Variants in KCNQ5 observed in about 807,000 individuals in gnomAD.
The protein encoded by KCNQ5 is potassium voltage-gated channel subfamily Q member 5.
KCNQ5 carries 30 observed loss-of-function variants against 98.2 expected under a neutral mutation model. The observed-to-expected ratio is 0.31, with a 90% CI of 0.23 to 0.41. The LOEUF is 0.41. Among genes scored for constraint, KCNQ5 ranks in the 10% least tolerant of loss-of-function variants. The pLI is 1.00. For synonymous variants in KCNQ5, 458 were observed against 449.4 expected, an observed-to-expected ratio of 1.02 and a Z score of -0.24; for missense variants, 835 against 1,182.5, an observed-to-expected ratio of 0.71 and a Z score of 4.31.
At chr6:73,038,192 A>G (rs574261576) in intron 2 of KCNQ5, among the ~76,000 whole-genome samples, 1 of 151,962 alleles carries the variant, frequency 6.6e-6, no homozygotes, top group African/African-American at 2.4e-5. Context: ...TGTTAGTATA[A>G]AGAAATATGA....
chr6:72,721,023 C>G (rs1240682245), intron 1 of KCNQ5, among the ~76,000 whole-genome samples: 2 of 152,122 alleles, frequency 1.3e-5, no homozygotes, highest in African/African-American at 2.4e-5. Context: ...GCCAGACAGA[C>G]AATAACCAAA....
At chr6:73,145,179 T>C (rs1214266856) in intron 10 of KCNQ5, among the ~76,000 whole-genome samples, 1 of 152,226 alleles carries the variant, frequency 6.6e-6, no homozygotes, top group Non-Finnish European at 1.5e-5. Flanking sequence ...GAAAATAGCA[T>C]TGTTAGCACC....
chr6:72,758,167 C>A (rs1043279666), intron 1 of KCNQ5, among the ~76,000 whole-genome samples: 3 of 151,894 alleles, frequency 2.0e-5, no homozygotes, highest in Non-Finnish European at 2.9e-5. Context: ...AAGAAAGAAT[C>A]CCTTCTTCTC....
intron 5 of KCNQ5, among the ~76,000 whole-genome samples, chr6:73,079,767 C>T (rs7774477): frequency 0.99 from 151,225 of 152,320 alleles, 75,078 homozygotes; most frequent in Middle Eastern, 1. Flanking sequence ...TCATCTGACA[C>T]TCTTAAAATA....
intron 1 of KCNQ5, among the ~76,000 whole-genome samples, chr6:72,937,546 A>G (rs4304128): frequency 0.043 from 6,600 of 152,284 alleles, 221 homozygotes; most frequent in Middle Eastern, 0.13. Context: ...CTTTTCTTCT[A>G]TAAGCCTTTT....
At chr6:73,118,110 T>C (rs1468196842) in intron 7 of KCNQ5, among the ~76,000 whole-genome samples, 1 of 152,180 alleles carries the variant, frequency 6.6e-6, no homozygotes. Flanking sequence ...AGAGCACATA[T>C]CTTAGGAGAA....
intron 1 of KCNQ5, among the ~76,000 whole-genome samples, chr6:72,974,999 A>C (rs1012879046): frequency 2.0e-5 from 3 of 152,112 alleles, no homozygotes; most frequent in Non-Finnish European, 4.4e-5. Context: ...GGCCTCCCAA[A>C]GTGCTAGGAT....
At chr6:72,629,025 T>A (rs964532481) in intron 1 of KCNQ5, among the ~76,000 whole-genome samples, 1 of 152,122 alleles carries the variant, frequency 6.6e-6, no homozygotes, top group Non-Finnish European at 1.5e-5. Context: ...AGGCAGGGGT[T>A]TCTGTCTTAT....
intron 1 of KCNQ5, among the ~76,000 whole-genome samples, chr6:72,908,190 G>T (rs930288075): frequency 6.6e-6 from 1 of 151,998 alleles, no homozygotes; most frequent in Non-Finnish European, 1.5e-5. Flanking sequence ...ATGAAAGAGT[G>T]GTTACCATAG....
At chr6:72,656,777 C>T (rs2154472682) in intron 1 of KCNQ5, among the ~76,000 whole-genome samples, 1 of 151,966 alleles carries the variant, frequency 6.6e-6, no homozygotes, top group South Asian at 2.1e-4. Context: ...CATCTTATCT[C>T]TGGCTCTGAC....
intron 1 of KCNQ5, among the ~76,000 whole-genome samples, chr6:72,748,170 GTGTGATAGT>G: frequency 6.6e-6 from 1 of 152,208 alleles, no homozygotes; most frequent in Non-Finnish European, 1.5e-5. Context: ...TACAGTTGAT[GTGTGATAGT>G]TGTTTGTTTG....
chr6:73,174,560 G>A (rs2150508011), intron 11 of KCNQ5, among the ~76,000 whole-genome samples: 1 of 152,220 alleles, frequency 6.6e-6, no homozygotes, highest in Admixed American at 6.5e-5. Flanking sequence ...TAAGGTCCAG[G>A]GTGAAAACTC....
intron 1 of KCNQ5, among the ~76,000 whole-genome samples, chr6:72,791,827 G>C (rs1315871288): frequency 6.6e-6 from 1 of 152,122 alleles, no homozygotes; most frequent in African/African-American, 2.4e-5. Context: ...GATGGAAGGG[G>C]CCAAACTCAT....
intron 1 of KCNQ5, among the ~76,000 whole-genome samples, chr6:72,922,495 C>CA (rs891244227): frequency 3.4e-4 from 51 of 152,218 alleles, no homozygotes; most frequent in African/African-American, 1.2e-3. Context: ...CCATTACCCA[C>CA]AATAGATCTC....
At chr6:72,829,428 G>GTC (rs1342303040) in intron 1 of KCNQ5, among the ~76,000 whole-genome samples, 3 of 145,896 alleles carry the variant, frequency 2.1e-5, no homozygotes, top group East Asian at 2.0e-4. Context: ...TGTTGAAAGT[G>GTC]TCTCTCTCTC....
intron 2 of KCNQ5, among the ~76,000 whole-genome samples, chr6:73,009,609 G>A (rs1342224928): frequency 6.6e-6 from 1 of 152,000 alleles, no homozygotes; most frequent in Non-Finnish European, 1.5e-5. Flanking sequence ...GTTAGAAAAG[G>A]TTGACAAAAC....
chr6:72,862,899 A>G (rs1035819197), intron 1 of KCNQ5, among the ~76,000 whole-genome samples: 5 of 152,224 alleles, frequency 3.3e-5, no homozygotes, highest in African/African-American at 7.2e-5. Flanking sequence ...AAGTGCAGGA[A>G]TTATAGGTAC....
At chr6:73,083,037 C>T (rs1773844519) in intron 5 of KCNQ5, among the ~76,000 whole-genome samples, 1 of 152,008 alleles carries the variant, frequency 6.6e-6, no homozygotes, top group African/African-American at 2.4e-5. Flanking sequence ...ACCCCAGGCA[C>T]ATGCCACCAT....
chr6:72,937,610 C>T (rs888051446), intron 1 of KCNQ5, among the ~76,000 whole-genome samples: 4 of 152,132 alleles, frequency 2.6e-5, no homozygotes, highest in Non-Finnish European at 1.5e-5. Flanking sequence ...GATTGTGCAT[C>T]CTCTCCCAAA....
Sources: allele counts gnomAD v4.1 joint callset (sites outside exome capture counted in the v4.1 genomes callset), GRCh38; gene constraint gnomAD v4.1.1; transcripts MANE v1.5; gene names NCBI Gene and HGNC (gene_info 2026-07-23, HGNC 2026-07-21).